Variants in RNF14 observed in about 807,000 individuals in gnomAD.
RNF14 encodes E3 ubiquitin-protein ligase RNF14.
Under a neutral mutation model 52.6 loss-of-function variants are expected in RNF14, and 26 were observed. That is an observed-to-expected ratio of 0.49 (90% confidence interval 0.36 to 0.69). RNF14 has a LOEUF of 0.69. Ranked by LOEUF, RNF14 falls within the 30% of genes least tolerant of loss-of-function variation. RNF14 has a pLI of 0.00. For missense variants in RNF14, 404 were observed against 560.4 expected (o/e 0.72, Z 2.82); for synonymous variants, 194 against 202.0 (o/e 0.96, Z 0.34).
upstream of RNF14, among the ~76,000 whole-genome samples, chr5:141,967,543 G>A (rs1355231902): frequency 2.0e-5 from 3 of 151,974 alleles, no homozygotes; most frequent in Non-Finnish European, 4.4e-5. Flanking sequence ...CTAAATCTGG[G>A]GCCCTTCTAA....
the RNF14 span, chr5:141,949,533 G>C: frequency 6.2e-7 from 1 of 1,614,192 alleles, no homozygotes; most frequent in African/African-American, 1.3e-5. Flanking sequence ...TTCTGGGTCT[G>C]TCTGGCCTCC....
intron 3 of RNF14, among the ~76,000 whole-genome samples, chr5:141,974,365 C>G (rs1441813799): frequency 6.6e-6 from 1 of 152,160 alleles, no homozygotes; most frequent in Non-Finnish European, 1.5e-5. Context: ...CACAAATTTT[C>G]CCAACTGATT....
upstream of RNF14, among the ~76,000 whole-genome samples, chr5:141,964,776 G>T (rs1753303934): frequency 1.1e-5 from 1 of 88,838 alleles, no homozygotes; most frequent in Non-Finnish European, 2.1e-5. Flanking sequence ...ACCAAGCCCG[G>T]CTAATTTTTT....
At chr5:141,956,435 T>G, upstream of RNF14, 3 of 1,614,208 alleles carry the variant, frequency 1.9e-6, no homozygotes, top group Non-Finnish European at 2.5e-6. Flanking sequence ...GAGGGTAAGT[T>G]GTTTTCCCGC....
chr5:141,976,687 C>G (rs976214399), intron 4 of RNF14, among the ~76,000 whole-genome samples: 3 of 151,482 alleles, frequency 2.0e-5, no homozygotes, highest in Non-Finnish European at 4.4e-5. Flanking sequence ...TTTTCTAAAA[C>G]CTTATTCCTT....
intron 5 of RNF14, among the ~76,000 whole-genome samples, chr5:141,979,222 AGGT>A (rs201481031): frequency 1.6e-4 from 9 of 56,682 alleles, no homozygotes; most frequent in African/African-American, 3.0e-4. Context: ...CAGCCTACTT[AGGT>A]GGTGGTGGTG....
At chr5:141,982,866 C>G (rs1754903061) in intron 6 of RNF14, among the ~76,000 whole-genome samples, 1 of 152,160 alleles carries the variant, frequency 6.6e-6, no homozygotes, top group Admixed American at 6.5e-5. Flanking sequence ...AAATCAATGT[C>G]TGTTTCAACC....
the RNF14 span, chr5:141,951,552 T>C: frequency 1.9e-6 from 3 of 1,614,126 alleles, no homozygotes; most frequent in South Asian, 1.1e-5. Context: ...TGGGCTGGAA[T>C]TGGCCCTGAT....
chr5:141,949,601 C>T, the RNF14 span: 3 of 1,611,944 alleles, frequency 1.9e-6, no homozygotes, highest in Non-Finnish European at 2.5e-6. Context: ...AGAAACCAAC[C>T]AGTCCATGGG....
At chr5:141,971,569 TTCTTTCTTTCTTTC>T (rs775516019) in intron 2 of RNF14, among the ~76,000 whole-genome samples, 302 of 4,124 alleles carry the variant, frequency 0.073, 3 homozygotes, top group South Asian at 0.37. Flanking sequence ...TTCTTTTTCT[TTCTTTCTTTCTTTC>T]TTTCTTTCTT....
chr5:141,988,478 T>A lies in RNF14; in HGVS notation c.*688T>A, dbSNP rs1163022329. On this transcript the variant is annotated 3_prime_UTR_variant, in exon 9 of 9. Transcript: ENST00000394520. ...TATGGTCCACTGGTTTCAGGCCAAA[T>A]CTAGAATTTAGTGATACTGGCTCAG... The A allele has an allele frequency of 6.6e-6, 1 of 152,336 alleles. No homozygotes were observed. Among genetic ancestry groups the A allele is most frequent in the Non-Finnish European group, 1.5e-5 (1 of 68,040 alleles). The allele number at this position is 152,336 out of a possible 1,614,324, so 9.4% of individuals were successfully genotyped here.
chr5:141,985,602 C>T (rs1755164463), intron 8 of RNF14, among the ~76,000 whole-genome samples: 1 of 152,100 alleles, frequency 6.6e-6, no homozygotes, highest in Non-Finnish European at 1.5e-5. Flanking sequence ...GTCGCCCAGG[C>T]TGGAGTGCAG....
At chr5:141,985,970 G>A (rs1361621713) in intron 8 of RNF14, among the ~76,000 whole-genome samples, 1 of 152,212 alleles carries the variant, frequency 6.6e-6, no homozygotes, top group Non-Finnish European at 1.5e-5. Flanking sequence ...TAAACTGGAA[G>A]TTAGGTCTAG....
At chr5:141,971,924 A>G (rs1441595159) in intron 2 of RNF14, among the ~76,000 whole-genome samples, 1 of 152,146 alleles carries the variant, frequency 6.6e-6, no homozygotes. Flanking sequence ...CTGGGATTAA[A>G]GACTTGAGCC....
At chr5:141,954,872 A>G, upstream of RNF14, 2 of 1,439,074 alleles carry the variant, frequency 1.4e-6, no homozygotes, top group Non-Finnish European at 1.9e-6. Flanking sequence ...AGGTGAGCCT[A>G]AGGAAGAAAC....
At chr5:141,977,029 G>A (rs984847743) in intron 4 of RNF14, among the ~76,000 whole-genome samples, 2 of 152,194 alleles carry the variant, frequency 1.3e-5, no homozygotes, top group African/African-American at 2.4e-5. Context: ...GACCTCAGGT[G>A]ATCCACCCGC....
At chr5:141,977,315 G>C (rs1278982795) in intron 4 of RNF14, among the ~76,000 whole-genome samples, 1 of 152,228 alleles carries the variant, frequency 6.6e-6, no homozygotes, top group African/African-American at 2.4e-5. Context: ...AAGTATTTAA[G>C]GTAGTACCTA....
upstream of RNF14, chr5:141,956,505 C>G (rs1561536592): frequency 1.9e-6 from 3 of 1,614,254 alleles, no homozygotes; most frequent in East Asian, 6.7e-5. Context: ...TGTCACTGAT[C>G]TGAATGCTGA....
At position 141,987,726 on chromosome 5, in the gene RNF14, CT is replaced by C; in HGVS notation, c.1368-5del. On this transcript the variant is annotated splice_region_variant and splice_polypyrimidine_tract_variant and intron_variant, in intron 8 of 8. Coordinates refer to ENST00000394520, the MANE Select transcript of RNF14 (RefSeq NM_004290.5). ...GTATAAAAATGTACCTTTTTTAATG[CT>C]TCCAGGCTGTTTTATGCTGTGGATG... 6.2e-7 allele frequency: 1 copy of C among 1,613,906 alleles called. No individual in the cohort carries two copies. Among genetic ancestry groups the C allele is most frequent in the Non-Finnish European group, 8.5e-7 (1 of 1,179,862 alleles).
Sources: gnomAD v4.1 joint callset for allele counts (sites outside exome capture counted in the v4.1 genomes callset) on GRCh38, gnomAD v4.1.1 for gene constraint, MANE v1.5 for transcripts, NCBI Gene and HGNC (gene_info 2026-07-23, HGNC 2026-07-21) for gene names.